Variants in SHOC1 observed in about 807,000 individuals in gnomAD.
SHOC1 encodes shortage in chiasmata 1.
Under a neutral mutation model 179.2 loss-of-function variants are expected in SHOC1, and 136 were observed. The ratio of observed to expected loss-of-function variants is 0.76; its 90% CI spans 0.66 to 0.87. The LOEUF is 0.87. SHOC1 is among the 40% of genes least tolerant of loss of function. The pLI is 0.00. For synonymous variants in SHOC1, 489 were observed against 586.6 expected (o/e 0.83, Z 2.41); for missense variants, 1,538 against 1,700.8 (o/e 0.90, Z 1.68).
intron 23 of SHOC1, among the ~76,000 whole-genome samples, chr9:111,700,566 C>T (rs1231145504): frequency 1.3e-5 from 2 of 150,422 alleles, no homozygotes; most frequent in African/African-American, 5.0e-5. Context: ...GTACCCTAAG[C>T]AACAAAGAGG....
intron 5 of SHOC1, among the ~76,000 whole-genome samples, chr9:111,771,868 T>C (rs999932535): frequency 3.3e-5 from 5 of 152,198 alleles, no homozygotes; most frequent in African/African-American, 9.7e-5. Context: ...CTTTGAGAGT[T>C]TGGTTATTAC....
At chr9:111,690,288 T>C (rs1046927613) in intron 27 of SHOC1, among the ~76,000 whole-genome samples, 1 of 151,948 alleles carries the variant, frequency 6.6e-6, no homozygotes, top group African/African-American at 2.4e-5. Flanking sequence ...TAGCCAGGCA[T>C]GGTGGTGCAT....
chr9:111,762,410 C>G (rs1442594404), intron 5 of SHOC1, among the ~76,000 whole-genome samples: 1 of 151,236 alleles, frequency 6.6e-6, no homozygotes, highest in Admixed American at 6.6e-5. Flanking sequence ...GCCTGAGAAA[C>G]AGAGTCTCAA....
chr9:111,780,954 A>C lies in SHOC1; in HGVS notation c.233T>G (p.Phe78Cys). 1.9e-6 allele frequency: 3 copies of C among 1,613,360 alleles called. No homozygotes were observed. Among genetic ancestry groups the C allele is most frequent in the Non-Finnish European group, 2.5e-6 (3 of 1,179,536 alleles). Residue 78 changes from phenylalanine (F) to cysteine (C), a missense_variant, in exon 4 of 28, where the codon TTC (phenylalanine) becomes TGC (cysteine). By Grantham distance (205) the Phe-to-Cys change is radical. Transcript: ENST00000682961. Reference sequence around the variant, plus strand: ...CTTCTCAAGGAAATCCTCCACAAAGAAACTTGCTTTCCATTGGTCCAAGAC... The same window carrying C: ...CTTCTCAAGGAAATCCTCCACAAAGCAACTTGCTTTCCATTGGTCCAAGAC... Reference protein sequence around the residue: ...TSVLDQWKASFFVEDFLEKKT... With the variant: ...TSVLDQWKASCFVEDFLEKKT...
chr9:111,705,327 C>T lies in SHOC1; in HGVS notation c.2775G>A (p.Leu925=). The T allele has an allele frequency of 5.7e-6, 9 of 1,586,064 alleles. No homozygotes were observed. The highest frequency in any genetic ancestry group is 6.9e-6 in the Non-Finnish European group (8 of 1,166,426). The change falls in exon 21 of 28, where the codon TTG becomes TTA. Residue 925 remains leucine (L), a synonymous_variant. Coordinates refer to ENST00000682961, the MANE Select transcript of SHOC1 (RefSeq NM_001378211.1). ...AAAACACATATGGAATCTGAATTTCCAAAAGAAAACCTCCAAATCTATCCA... is the reference window on the plus strand; with the variant it reads ...AAAACACATATGGAATCTGAATTTCTAAAAGAAAACCTCCAAATCTATCCA... ...TLLDRFGGFL[L]EIQIPYVFFA...
intron 5 of SHOC1, among the ~76,000 whole-genome samples, chr9:111,767,957 A>G (rs1364537140): frequency 2.0e-5 from 3 of 152,052 alleles, no homozygotes; most frequent in Non-Finnish European, 4.4e-5. Flanking sequence ...TGCTTTGGAT[A>G]GTATTGTTAT....
chr9:111,772,898 C>T (rs1024257599), intron 5 of SHOC1, among the ~76,000 whole-genome samples: 6 of 152,148 alleles, frequency 3.9e-5, no homozygotes, highest in African/African-American at 1.4e-4. Context: ...AGTCTCCTGC[C>T]AGGGAATCCA....
chr9:111,698,245 T>G (rs950872325), intron 24 of SHOC1, among the ~76,000 whole-genome samples: 5 of 152,214 alleles, frequency 3.3e-5, no homozygotes, highest in Non-Finnish European at 5.9e-5. Context: ...GCTTTTCGTG[T>G]TTTATTCGTG....
Position 111,753,488 on chromosome 9 carries a change from A to G in SHOC1, c.862+2837T>C, listed in dbSNP as rs1834698543. 2.0e-5 allele frequency among the ~76,000 whole-genome samples: 3 copies of G among 152,164 alleles called. No homozygotes were observed. The South Asian group carries it at 6.2e-4, about 31-fold the overall frequency. ...ACTCAATGTAATATACCATATCAAA[A>G]GGATAAAAAATTTTAAAACCATGAT... is the stretch of plus-strand genomic sequence containing the variant. On this transcript the variant is annotated intron_variant, in intron 8 of 27. Coordinates refer to ENST00000682961, the MANE Select transcript of SHOC1 (RefSeq NM_001378211.1).
Position 111,740,377 on chromosome 9 carries a change from T to G in SHOC1, c.1174+1099A>C, listed in dbSNP as rs898350914. Among the ~76,000 whole-genome samples the G allele has an allele frequency of 2.0e-5, 3 of 152,316 alleles. No individual in the cohort carries two copies. In the East Asian group the frequency reaches 5.8e-4, roughly 29 times the overall value. Reference sequence around the variant, plus strand: ...CTTCCCAGGATTCCTGTTTTCACTTTGTTTTTGGCCTCCAAATGCAACTCA... The same window carrying G: ...CTTCCCAGGATTCCTGTTTTCACTTGGTTTTTGGCCTCCAAATGCAACTCA... On this transcript the variant is annotated intron_variant, in intron 11 of 27. Transcript: ENST00000682961.
intron 5 of SHOC1, 124 bp from the exon 6 acceptor site, chr9:111,758,972 G>A: frequency 1.2e-6 from 1 of 846,150 alleles, no homozygotes; most frequent in Non-Finnish European, 1.8e-6. Context: ...TTTAAACTCT[G>A]TAGCTCTTCA....
intron 11 of SHOC1, among the ~76,000 whole-genome samples, chr9:111,739,730 A>G (rs912030655): frequency 3.3e-5 from 5 of 152,068 alleles, no homozygotes; most frequent in African/African-American, 9.7e-5. Flanking sequence ...CTTTAAAAGT[A>G]TATTATACTA....
intron 8 of SHOC1, among the ~76,000 whole-genome samples, chr9:111,751,217 C>G (rs946559503): frequency 6.6e-6 from 1 of 152,136 alleles, no homozygotes; most frequent in Non-Finnish European, 1.5e-5. Flanking sequence ...TGTTCTTGTA[C>G]CAGTAACATG....
intron 14 of SHOC1, 61 bp downstream of exon 14, chr9:111,723,731 T>C: frequency 6.8e-7 from 1 of 1,477,740 alleles, no homozygotes; most frequent in African/African-American, 1.4e-5. Context: ...GTCCTAGCTA[T>C]CTAGGAAAGG....
intron 26 of SHOC1, 105 bp downstream of exon 26, chr9:111,693,694 C>T (rs1056318202): frequency 1.5e-6 from 1 of 679,514 alleles, no homozygotes; most frequent in Non-Finnish European, 2.3e-6. Context: ...AAGTCCAAAA[C>T]AATTAAACTT....
In SHOC1 at chr9:111,690,856, T is replaced by C. The variant is rs143769622; in HGVS notation, c.4426+695A>G. ...CTCTCAGGCCTCACAAAAAAACCTA[T>C]GAAAAAGAGAAGTTTGAAACTTAAG... is the stretch of plus-strand genomic sequence containing the variant. On this transcript the variant is annotated intron_variant, in intron 27 of 27. Coordinates refer to ENST00000682961, the MANE Select transcript of SHOC1 (RefSeq NM_001378211.1). 4.3e-3 allele frequency among the ~76,000 whole-genome samples: 652 copies of C among 152,288 alleles called. 2 individuals are homozygous for C. The highest frequency in any genetic ancestry group is 6.2e-3 in the Non-Finnish European group (425 of 68,008).
chr9:111,692,012 C>T lies in SHOC1; in HGVS notation c.3965G>A (p.Arg1322His), dbSNP rs150006859. 1.4e-3 allele frequency: 2,279 copies of T among 1,612,996 alleles called. 5 individuals carry two copies. The highest frequency in any genetic ancestry group is 2.4e-3 in the Admixed American group (142 of 59,790). ...DTQKRVSVVP[R>H]FINSQKRRTH... is the part of the protein sequence containing the mutation. ...TCTCCTTTTCTGAGAATTTATAAAA[C>T]GGGGGACAACTGACACTCTCTTCTG... The change falls in exon 27 of 28, where the codon CGT becomes CAT. Residue 1322 changes from arginine to histidine, a missense_variant. Transcript: ENST00000682961.
rs775021159 is a variant in SHOC1 at position 111,741,452 on chromosome 9, CACTT to C, written c.1174+20_1174+23del. 1 of 1,312,456 alleles carries C rather than the reference CACTT, an allele frequency of 7.6e-7. No individual in the cohort carries two copies. The highest frequency in any genetic ancestry group is 1.1e-6 in the Non-Finnish European group (1 of 917,450). 81.3% of individuals were successfully genotyped at this position (1,312,456 alleles called of 1,614,324 possible). On this transcript the variant is annotated intron_variant, in intron 11 of 27. Coordinates refer to ENST00000682961, the MANE Select transcript of SHOC1 (RefSeq NM_001378211.1). ...CTTTTTACCTATACTTTCTATTTAT[CACTT>C]AAAGGCAATTAATCTTTACCTGTAA...
rs1206413617 is a variant in SHOC1 at position 111,727,915 on chromosome 9, A to G, written c.1552T>C (p.Tyr518His). The change falls in exon 13 of 28, where the codon TAT (tyrosine) becomes CAT (histidine). Residue 518 changes from tyrosine to histidine, a missense_variant. Coordinates refer to ENST00000682961, the MANE Select transcript of SHOC1 (RefSeq NM_001378211.1). Reference protein sequence around the residue: ...EVPDLCFSDDYFSDKGAAKEE... With the variant: ...EVPDLCFSDDHFSDKGAAKEE... ...TTTGCTGCTCCTTTATCAGAGAAAT[A>G]GTCATCAGAAAAACATAGATCTGGT... 1 of 1,613,516 alleles carries G rather than the reference A, an allele frequency of 6.2e-7. No homozygotes were observed. Among genetic ancestry groups the G allele is most frequent in the East Asian group, 2.2e-5 (1 of 44,768 alleles).
Sources: gnomAD v4.1 joint callset for allele counts (sites outside exome capture counted in the v4.1 genomes callset) on GRCh38, gnomAD v4.1.1 for gene constraint, MANE v1.5 for transcripts, NCBI Gene and HGNC (gene_info 2026-07-23, HGNC 2026-07-21) for gene names.